Variants in KATNAL1 observed in about 807,000 individuals in gnomAD.
KATNAL1 encodes the protein katanin p60 ATPase-containing subunit A-like 1.
In KATNAL1, 32 loss-of-function variants were observed where a neutral mutation model predicts 55.2. The ratio of observed to expected loss-of-function variants is 0.58; its 90% CI spans 0.44 to 0.78. KATNAL1 has a LOEUF of 0.78. Among genes scored for constraint, KATNAL1 ranks in the 30% least tolerant of loss-of-function variants. The pLI, the probability that KATNAL1 is intolerant of heterozygous loss-of-function variation, is 0.00. For missense variants in KATNAL1, 466 were observed against 600.9 expected (o/e 0.78, Z 2.35); for synonymous variants, 193 against 193.6 (o/e 1.00, Z 0.02).
intron 1 of KATNAL1, chr13:30,306,693 A>C (rs1593198351): frequency 6.6e-6 from 1 of 152,358 alleles, no homozygotes; most frequent in East Asian, 1.9e-4. Flanking sequence ...AAATAAACGT[A>C]TCCAGGAAAG....
At position 30,205,779 on chromosome 13, in the gene KATNAL1, TG is replaced by T. The variant is rs1873066871; in HGVS notation, c.*2760del. 6.4e-6 allele frequency: 1 copy of T among 155,622 alleles called. No individual in the cohort carries two copies. Among genetic ancestry groups the T allele is most frequent in the Non-Finnish European group, 1.4e-5 (1 of 71,408 alleles). 9.6% of individuals were successfully genotyped at this position (155,622 alleles called of 1,614,324 possible). A position where few individuals can be genotyped will look rare whatever the true frequency, so the allele number is the denominator to read the frequency against. On this transcript the variant is annotated 3_prime_UTR_variant, in exon 11 of 11. Transcript: ENST00000380615. ...GTGTGTGTGTGTGTGTGTGTGTGTG[TG>T]TGTGTGTGTCTCACGCCTATAAGGC...
At chr13:30,217,215 G>A (rs867483208) in intron 9 of KATNAL1, among the ~76,000 whole-genome samples, 5 of 152,336 alleles carry the variant, frequency 3.3e-5, no homozygotes, top group Middle Eastern at 3.4e-3. Context: ...CACTTTGGGA[G>A]GCCGAGGCGG....
rs73163478 is a variant in KATNAL1 at position 30,258,178 on chromosome 13, G to A, written c.324-2563C>T. Among the ~76,000 whole-genome samples, 1,179 of 152,302 alleles carry A rather than the reference G, an allele frequency of 7.7e-3. 5 individuals carry two copies. The highest frequency in any genetic ancestry group is 0.011 in the Non-Finnish European group (752 of 68,032). On this transcript the variant is annotated intron_variant, in intron 3 of 10. Transcript: ENST00000380615. ...AGAGAATAACTGGTTAGATCTGCAG[G>A]TGAAAGACAAAAATATCTGTGCTGT...
intron 6 of KATNAL1, among the ~76,000 whole-genome samples, chr13:30,238,074 T>C (rs762439538): frequency 2.6e-5 from 4 of 152,200 alleles, no homozygotes; most frequent in Non-Finnish European, 5.9e-5. Context: ...CTGTGCTCAT[T>C]GCAACCAGGT....
chr13:30,300,884 C>CA (rs894619423), intron 1 of KATNAL1, among the ~76,000 whole-genome samples: 10 of 150,440 alleles, frequency 6.6e-5, no homozygotes, highest in South Asian at 4.2e-4. Context: ...ATTTTAGAAA[C>CA]AAAAAAAAAC....
chr13:30,276,427 C>A (rs1287534446), intron 3 of KATNAL1, among the ~76,000 whole-genome samples: 1 of 151,282 alleles, frequency 6.6e-6, no homozygotes, highest in Non-Finnish European at 1.5e-5. Context: ...ATAAACAGAG[C>A]TACCAAATTA....
intron 4 of KATNAL1, among the ~76,000 whole-genome samples, chr13:30,243,108 CAT>C (rs2137429915): frequency 1.3e-5 from 2 of 152,272 alleles, no homozygotes; most frequent in South Asian, 2.1e-4. Flanking sequence ...CTTAGATTTT[CAT>C]ATGAGTTGAC....
At position 30,273,714 on chromosome 13, in the gene KATNAL1, G is replaced by C. The variant is rs540354285; in HGVS notation, c.323+6349C>G. On this transcript the variant is annotated intron_variant, in intron 3 of 10. Coordinates refer to ENST00000380615, the MANE Select transcript of KATNAL1 (RefSeq NM_032116.5). ...AAGAAAATGAGTATAATCTCAATCT[G>C]CCAATAGTATTAGGCAAATAACCTA... 1.5e-3 allele frequency among the ~76,000 whole-genome samples: 221 copies of C among 152,262 alleles called. 1 individual carries two copies. The highest frequency in any genetic ancestry group is 5.0e-3 in the African/African-American group (207 of 41,566).
In KATNAL1 at chr13:30,203,417, C is replaced by T. The variant is rs1872849062; in HGVS notation, c.*5123G>A. ...AGGTAGACTCTGGGAATTACACGTG[C>T]AAAGAGTCAGGTTTTCCAAAGGGCG... On this transcript the variant is annotated 3_prime_UTR_variant, in exon 11 of 11. Transcript: ENST00000380615. 1 of 152,110 alleles carries T rather than the reference C, an allele frequency of 6.6e-6. No individual in the cohort carries two copies. The highest frequency in any genetic ancestry group is 2.1e-4 in the South Asian group (1 of 4,828). The allele number at this position is 152,110 out of a possible 1,614,324, so 9.4% of individuals were successfully genotyped here. A position where few individuals can be genotyped will look rare whatever the true frequency, so the allele number is the denominator to read the frequency against.
chr13:30,240,865 A>G (rs1310427634), intron 5 of KATNAL1, 94 bp downstream of exon 5: 19 of 1,114,848 alleles, frequency 1.7e-5, no homozygotes, highest in Non-Finnish European at 2.5e-5. Context: ...GGTCATAATC[A>G]GATTAATGAA....
intron 3 of KATNAL1, among the ~76,000 whole-genome samples, chr13:30,269,464 C>G (rs1880068039): frequency 6.6e-6 from 1 of 152,184 alleles, no homozygotes; most frequent in South Asian, 2.1e-4. Context: ...CCCAAAGTGC[C>G]GAGATTGCAG....
intron 9 of KATNAL1, among the ~76,000 whole-genome samples, chr13:30,223,553 G>T (rs554966590): frequency 1.3e-5 from 2 of 151,390 alleles, no homozygotes; most frequent in African/African-American, 2.4e-5. Flanking sequence ...AAAGAAAGAC[G>T]GTAAGGCTAA....
chr13:30,257,178 TA>T (rs199996050), intron 3 of KATNAL1, among the ~76,000 whole-genome samples: 1 of 151,270 alleles, frequency 6.6e-6, no homozygotes, highest in Non-Finnish European at 1.5e-5. Context: ...TTTTTTGACC[TA>T]ATTTTTTTTT....
At chr13:30,284,451 CAT>C (rs1187804438) in intron 1 of KATNAL1, among the ~76,000 whole-genome samples, 1 of 151,978 alleles carries the variant, frequency 6.6e-6, no homozygotes, top group African/African-American at 2.4e-5. Flanking sequence ...ATGAATATCA[CAT>C]AAATATATGA....
intron 4 of KATNAL1, among the ~76,000 whole-genome samples, chr13:30,245,539 G>A (rs1877703176): frequency 1.3e-5 from 2 of 152,168 alleles, no homozygotes; most frequent in African/African-American, 4.8e-5. Flanking sequence ...ACACAGTATT[G>A]GAAGTTCTGG....
chr13:30,208,338 A>C lies in KATNAL1; in HGVS notation c.*202T>G. ...CAGGAATACGTGGAATACCAGCACA[A>C]AGCCGGGGAGGGAGACTAGCAAACT... On this transcript the variant is annotated 3_prime_UTR_variant, in exon 11 of 11. Transcript: ENST00000380615. The C allele has an allele frequency of 2.0e-6, 1 of 512,148 alleles. No homozygotes were observed. The highest frequency in any genetic ancestry group is 3.4e-6 in the Non-Finnish European group (1 of 292,694). 31.7% of individuals were successfully genotyped at this position (512,148 alleles called of 1,614,324 possible).
intron 8 of KATNAL1, among the ~76,000 whole-genome samples, chr13:30,228,751 T>TTTGTTG (rs369357037): frequency 7.9e-5 from 12 of 152,020 alleles, no homozygotes; most frequent in Non-Finnish European, 1.3e-4. Flanking sequence ...TTGTTGGTGT[T>TTTGTTG]TTGTTGTTGT....
intron 6 of KATNAL1, among the ~76,000 whole-genome samples, chr13:30,233,618 G>A (rs112919407): frequency 1.5e-4 from 22 of 150,336 alleles, no homozygotes; most frequent in Admixed American, 4.6e-4. Context: ...AAAAGAAATC[G>A]ATATGTCGAA....
chr13:30,239,757 C>T, intron 6 of KATNAL1, among the ~76,000 whole-genome samples: 1 of 146,584 alleles, frequency 6.8e-6, no homozygotes, highest in South Asian at 2.2e-4. Context: ...GCGATCTTGG[C>T]TCATTGCAAA....
Sources: gnomAD v4.1 joint callset for allele counts (sites outside exome capture counted in the v4.1 genomes callset) on GRCh38, gnomAD v4.1.1 for gene constraint, MANE v1.5 for transcripts, NCBI Gene and HGNC (gene_info 2026-07-23, HGNC 2026-07-21) for gene names.